The following FAM222B variants were observed in gnomAD, a reference collection of about 807,000 sequenced individuals.
The protein encoded by FAM222B is protein FAM222B.
A neutral mutation model predicts 38.0 loss-of-function variants in FAM222B; 12 were observed. That is an observed-to-expected ratio of 0.32 (90% CI 0.20 to 0.51). FAM222B has a LOEUF of 0.51. FAM222B is among the 20% of genes least tolerant of loss of function. FAM222B has a pLI of 0.97. For missense variants in FAM222B, 716 were observed against 754.2 expected (o/e 0.95, Z 0.59); for synonymous variants, 329 against 317.2 (o/e 1.04, Z -0.40).
At position 28,756,362 on chromosome 17, in the gene FAM222B, GTTGT is replaced by G. The variant is rs768023717; in HGVS notation, c.*1904_*1907del. On this transcript the variant is annotated 3_prime_UTR_variant, in exon 3 of 3. Transcript: ENST00000581407. The stretch of plus-strand genomic sequence containing the variant: ...CTACACAGGAAGAGATGGGTTTGAG[GTTGT>G]TTGACTTAAAGCCCCCAAGTTGGTG... 22 of 152,714 alleles carry G rather than the reference GTTGT, an allele frequency of 1.4e-4. No individual in the cohort carries two copies. Among genetic ancestry groups the G allele is most frequent in the African/African-American group, 3.9e-4 (16 of 41,530 alleles). The allele number at this position is 152,714 out of a possible 1,614,324, so 9.5% of individuals were successfully genotyped here.
At chr17:28,838,905 T>A (rs1310254758) in intron 1 of FAM222B, among the ~76,000 whole-genome samples, 1 of 148,592 alleles carries the variant, frequency 6.7e-6, no homozygotes. Flanking sequence ...AAACTTGGTA[T>A]CAAAAAAAAT....
intron 1 of FAM222B, among the ~76,000 whole-genome samples, chr17:28,852,908 T>G (rs2039192277): frequency 1.3e-5 from 2 of 151,828 alleles, no homozygotes; most frequent in South Asian, 4.2e-4. Context: ...GATTTAAAAA[T>G]TAGCACTGGG....
chr17:28,843,377 T>A (rs189586596), upstream of FAM222B, among the ~76,000 whole-genome samples: 5 of 149,804 alleles, frequency 3.3e-5, no homozygotes, highest in African/African-American at 9.9e-5. Flanking sequence ...CCTCAGGTGA[T>A]CCACCCACCT....
chr17:28,760,544 C>T (rs1371410277), intron 2 of FAM222B, among the ~76,000 whole-genome samples: 4 of 151,662 alleles, frequency 2.6e-5, no homozygotes, highest in Non-Finnish European at 5.9e-5. Context: ...CGCACCACTG[C>T]ACTCCAACCT....
At chr17:28,830,693 C>T (rs1414505717) in intron 1 of FAM222B, among the ~76,000 whole-genome samples, 2 of 151,578 alleles carry the variant, frequency 1.3e-5, no homozygotes, top group Non-Finnish European at 2.9e-5. Flanking sequence ...TCTTTTAAAT[C>T]TCATAGTTTA....
At chr17:28,828,063 T>A (rs1412404166) in intron 1 of FAM222B, among the ~76,000 whole-genome samples, 5 of 146,394 alleles carry the variant, frequency 3.4e-5, no homozygotes, top group Non-Finnish European at 6.0e-5. Flanking sequence ...ATATGTCGGA[T>A]AAGGGGTAAG....
chr17:28,792,844 A>G (rs955629796), intron 1 of FAM222B, among the ~76,000 whole-genome samples: 3 of 151,520 alleles, frequency 2.0e-5, no homozygotes, highest in African/African-American at 7.3e-5. Context: ...TTGAAGGAGG[A>G]GCTGTTAATG....
At chr17:28,768,368 AAGAG>A (rs1430739570) in intron 1 of FAM222B, among the ~76,000 whole-genome samples, 1 of 152,170 alleles carries the variant, frequency 6.6e-6, no homozygotes, top group African/African-American at 2.4e-5. Flanking sequence ...CACTTTGTAA[AAGAG>A]GCTGCTCAAA....
intron 1 of FAM222B, among the ~76,000 whole-genome samples, chr17:28,784,839 C>T (rs577202498): frequency 6.6e-6 from 1 of 152,240 alleles, no homozygotes; most frequent in South Asian, 2.1e-4. Context: ...AAGCCTCAAC[C>T]TCCCGGGCTC....
Position 28,840,960 on chromosome 17 carries a change from C to G in FAM222B, c.-41+1722G>C, listed in dbSNP as rs186944700. ...TGGGTGACAGAGCAAGACTCCTTCA[C>G]CCACCTCAAAAAAAATTATAATAAA... On this transcript the variant is annotated intron_variant, in intron 1 of 2. Transcript: ENST00000581407. Among the ~76,000 whole-genome samples, 305 of 149,980 alleles carry G rather than the reference C, an allele frequency of 2.0e-3. 6 individuals carry two copies. Among genetic ancestry groups the G allele is most frequent in the Admixed American group, 0.017 (251 of 15,012 alleles).
intron 1 of FAM222B, among the ~76,000 whole-genome samples, chr17:28,803,536 ATCC>A (rs1392630689): frequency 6.6e-6 from 1 of 151,988 alleles, no homozygotes; most frequent in Non-Finnish European, 1.5e-5. Context: ...GGCTCAAGCA[ATCC>A]TCCTGCCTCA....
intron 1 of FAM222B, among the ~76,000 whole-genome samples, chr17:28,778,439 T>C (rs1417011207): frequency 6.6e-6 from 1 of 151,596 alleles, no homozygotes; most frequent in Non-Finnish European, 1.5e-5. Context: ...TTCTTTTTTA[T>C]GGCTGCAGGC....
chr17:28,801,381 G>A (rs920714841), intron 1 of FAM222B, among the ~76,000 whole-genome samples: 1 of 151,458 alleles, frequency 6.6e-6, no homozygotes, highest in Non-Finnish European at 1.5e-5. Flanking sequence ...TGAACCCCGG[G>A]GGGCGGAGGC....
At chr17:28,827,097 T>C (rs897263631) in intron 1 of FAM222B, among the ~76,000 whole-genome samples, 1 of 151,980 alleles carries the variant, frequency 6.6e-6, no homozygotes, top group African/African-American at 2.4e-5. Flanking sequence ...CAGTGAGCTA[T>C]AACAGCACCA....
chr17:28,832,157 T>C (rs995201632), intron 1 of FAM222B, among the ~76,000 whole-genome samples: 2 of 151,870 alleles, frequency 1.3e-5, no homozygotes, highest in African/African-American at 4.8e-5. Context: ...GCCACTGCAC[T>C]CCAGCCTGGG....
intron 1 of FAM222B, among the ~76,000 whole-genome samples, chr17:28,770,802 C>T (rs1207657307): frequency 6.6e-6 from 1 of 151,576 alleles, no homozygotes; most frequent in Non-Finnish European, 1.5e-5. Context: ...GATCTCCTGA[C>T]CCCGTGATCT....
At chr17:28,787,605 AG>A (rs1303121005) in intron 1 of FAM222B, among the ~76,000 whole-genome samples, 1 of 152,172 alleles carries the variant, frequency 6.6e-6, no homozygotes, top group Non-Finnish European at 1.5e-5. Flanking sequence ...TTAAAGGAAG[AG>A]GTGGAGCACC....
At chr17:28,760,125 C>G (rs1262902769) in intron 2 of FAM222B, among the ~76,000 whole-genome samples, 1 of 152,220 alleles carries the variant, frequency 6.6e-6, no homozygotes, top group Non-Finnish European at 1.5e-5. Flanking sequence ...TGAATCCTCA[C>G]TATTGCTGTA....
chr17:28,846,830 G>A (rs755748882), upstream of FAM222B, among the ~76,000 whole-genome samples: 1 of 152,056 alleles, frequency 6.6e-6, no homozygotes, highest in Non-Finnish European at 1.5e-5. Context: ...TCTCATGCCT[G>A]TAAACTCAGC....
Sources: allele counts gnomAD v4.1 joint callset (sites outside exome capture counted in the v4.1 genomes callset), GRCh38; gene constraint gnomAD v4.1.1; transcripts MANE v1.5; gene names NCBI Gene and HGNC (gene_info 2026-07-23, HGNC 2026-07-21).